PRKCI: variants seen among roughly 807,000 people sequenced by gnomAD.
PRKCI encodes the protein protein kinase C iota type.
In PRKCI, 43 loss-of-function variants were observed where a neutral mutation model predicts 84.0. The ratio of observed to expected loss-of-function variants is 0.51; its 90% CI spans 0.40 to 0.66. PRKCI has a LOEUF of 0.66. PRKCI is among the 30% of genes least tolerant of loss of function. The pLI, the probability that PRKCI is intolerant of heterozygous loss-of-function variation, is 0.00. For missense variants in PRKCI, 459 were observed against 745.6 expected (o/e 0.62, Z 4.48); for synonymous variants, 216 against 234.4 (o/e 0.92, Z 0.72).
rs568895610 is a variant in PRKCI, at chr3:170,232,305, C to T, written c.102-2925C>T. 1.1e-3 allele frequency among the ~76,000 whole-genome samples: 165 copies of T among 152,216 alleles called. 1 individual carries two copies. Among genetic ancestry groups the T allele is most frequent in the Admixed American group, 3.8e-3 (58 of 15,294 alleles). On this transcript the variant is annotated intron_variant, in intron 1 of 17. Coordinates refer to ENST00000295797, the MANE Select transcript of PRKCI (RefSeq NM_002740.6). Reference sequence around the variant, plus strand: ...TACCGAAGCGATCCTCCCACATTGGCCTTTCAAAGTGCTGGGATTATGGCA... The same window carrying T: ...TACCGAAGCGATCCTCCCACATTGGTCTTTCAAAGTGCTGGGATTATGGCA...
At chr3:170,261,825 A>T (rs1733734294) in intron 3 of PRKCI, among the ~76,000 whole-genome samples, 1 of 152,164 alleles carries the variant, frequency 6.6e-6, no homozygotes, top group Non-Finnish European at 1.5e-5. Flanking sequence ...GTGACTCACA[A>T]GGGATCCATA....
chr3:170,292,893 T>A (rs952477342), intron 13 of PRKCI, among the ~76,000 whole-genome samples: 1 of 149,602 alleles, frequency 6.7e-6, no homozygotes, highest in East Asian at 2.0e-4. Context: ...CACAAAAAAT[T>A]AGCCGGGCGT....
intron 8 of PRKCI, among the ~76,000 whole-genome samples, chr3:170,276,357 T>C (rs1027252224): frequency 6.6e-6 from 1 of 152,202 alleles, no homozygotes; most frequent in South Asian, 2.1e-4. Context: ...CTTCCCTCAC[T>C]CCTGTATTAT....
intron 3 of PRKCI, among the ~76,000 whole-genome samples, chr3:170,262,227 A>G (rs1733745658): frequency 6.6e-6 from 1 of 152,194 alleles, no homozygotes; most frequent in Non-Finnish European, 1.5e-5. Flanking sequence ...TGATTTTGGT[A>G]CTGTTTCTGG....
At position 170,281,433 on chromosome 3, in the gene PRKCI, T is replaced by G. The variant is rs1431959843; in HGVS notation, c.980+170T>G. On this transcript the variant is annotated intron_variant, in intron 10 of 17. Transcript: ENST00000295797. The stretch of plus-strand genomic sequence containing the variant: ...TGCCATCAGTGATATCAGTTTGATA[T>G]TAGATCAGCATTAGGAAATGACCTA... 3 of 584,558 alleles carry G rather than the reference T, an allele frequency of 5.1e-6. No homozygotes were observed. The African/African-American group carries it at 5.6e-5, about 11-fold the overall frequency. 36.2% of individuals were successfully genotyped at this position (584,558 alleles called of 1,614,324 possible).
At chr3:170,235,186 TA>T in intron 1 of PRKCI, 43 bp from the exon 2 acceptor site, 1 of 1,584,482 alleles carries the variant, frequency 6.3e-7, no homozygotes. Context: ...ACAGCATTAT[TA>T]TTTTTAATCA....
At chr3:170,301,064 G>A (rs1405796462) in intron 17 of PRKCI, among the ~76,000 whole-genome samples, 2 of 152,130 alleles carry the variant, frequency 1.3e-5, no homozygotes, top group Non-Finnish European at 2.9e-5. Context: ...ATGGCAAATG[G>A]TTATTGAGCA....
intron 17 of PRKCI, among the ~76,000 whole-genome samples, chr3:170,301,513 T>G (rs1577379928): frequency 6.6e-6 from 1 of 151,024 alleles, no homozygotes; most frequent in South Asian, 2.1e-4. Flanking sequence ...AATCAGTTCC[T>G]TTTTTTTTAG....
intron 13 of PRKCI, among the ~76,000 whole-genome samples, chr3:170,292,627 G>A (rs969040824): frequency 6.6e-6 from 1 of 151,418 alleles, no homozygotes; most frequent in Non-Finnish European, 1.5e-5. Context: ...GGAGAATGGC[G>A]TGAACCCGGG....
At chr3:170,238,076 T>C (rs1733025529) in intron 2 of PRKCI, among the ~76,000 whole-genome samples, 1 of 152,272 alleles carries the variant, frequency 6.6e-6, no homozygotes, top group East Asian at 1.9e-4. Flanking sequence ...AAAAAAATTA[T>C]ATGGGGCCGG....
intron 1 of PRKCI, among the ~76,000 whole-genome samples, chr3:170,225,583 T>A (rs1430850467): frequency 6.6e-6 from 1 of 151,582 alleles, no homozygotes; most frequent in African/African-American, 2.4e-5. Context: ...TTTTTTTTTT[T>A]TTTAAATAGA....
chr3:170,273,054 AT>A (rs1734036723), intron 6 of PRKCI, among the ~76,000 whole-genome samples: 1 of 152,240 alleles, frequency 6.6e-6, no homozygotes, highest in Non-Finnish European at 1.5e-5. Context: ...ATGATTTCTA[AT>A]TGGTGGTCTG....
chr3:170,233,026 T>TA (rs1732842423), intron 1 of PRKCI, among the ~76,000 whole-genome samples: 1 of 152,010 alleles, frequency 6.6e-6, no homozygotes, highest in Non-Finnish European at 1.5e-5. Context: ...ATTAATAATT[T>TA]GGGGGGTGAT....
rs867165805 is a variant in PRKCI, at chr3:170,228,640, C to T, written c.101+5870C>T. ...ATACACACACACACACACACACACACATATACATACACACACATATAAAGT... is the reference window on the plus strand; with the variant it reads ...ATACACACACACACACACACACACATATATACATACACACACATATAAAGT... On this transcript the variant is annotated intron_variant, in intron 1 of 17. Coordinates refer to ENST00000295797, the MANE Select transcript of PRKCI (RefSeq NM_002740.6). Among the ~76,000 whole-genome samples the T allele has an allele frequency of 1.0e-3, 152 of 147,788 alleles. 1 individual carries two copies. The highest frequency in any genetic ancestry group is 3.3e-3 in the African/African-American group (132 of 40,176).
In PRKCI at chr3:170,280,418, T is replaced by C; in HGVS notation, c.882+15T>C. ...ATGATGATGAGGTAAGCACTGCATA[T>C]TTTATTGCTTCTAAACTGCTTGAGA... On this transcript the variant is annotated intron_variant, in intron 9 of 17. Transcript: ENST00000295797. 1 of 1,596,160 alleles carries C rather than the reference T, an allele frequency of 6.3e-7. No homozygotes were observed.
At chr3:170,223,477 C>G (rs1330970925) in intron 1 of PRKCI, among the ~76,000 whole-genome samples, 5 of 152,160 alleles carry the variant, frequency 3.3e-5, no homozygotes, top group African/African-American at 1.2e-4. Flanking sequence ...GGAGACTAGC[C>G]TAGTTACAGT....
At chr3:170,261,993 T>C (rs1733738789) in intron 3 of PRKCI, among the ~76,000 whole-genome samples, 1 of 152,234 alleles carries the variant, frequency 6.6e-6, no homozygotes, top group Admixed American at 6.5e-5. Flanking sequence ...ACATCACAGA[T>C]GTTTTCAGAA....
intron 2 of PRKCI, among the ~76,000 whole-genome samples, chr3:170,239,036 A>T (rs1733053108): frequency 6.6e-6 from 1 of 152,238 alleles, no homozygotes; most frequent in African/African-American, 2.4e-5. Flanking sequence ...GTCAAAACAT[A>T]TGTATATCAA....
Position 170,284,461 on chromosome 3 carries a change from A to G in PRKCI, c.1068A>G (p.Arg356=). ...RQRKLPEEHA[R]FYSAEISLAL... ...TGACTTATTTTTTATTTAATTTTAGATTTTACTCTGCAGAAATCAGTCTAG... is the reference window on the plus strand; with the variant it reads ...TGACTTATTTTTTATTTAATTTTAGGTTTTACTCTGCAGAAATCAGTCTAG... The change falls in exon 12 of 18, where the codon AGA becomes AGG. Residue 356 remains arginine, a splice_region_variant and synonymous_variant. Coordinates refer to ENST00000295797, the MANE Select transcript of PRKCI (RefSeq NM_002740.6). 1 of 1,560,926 alleles carries G rather than the reference A, an allele frequency of 6.4e-7. No homozygotes were observed. The highest frequency in any genetic ancestry group is 1.4e-5 in the African/African-American group (1 of 73,150).
Sources: gnomAD v4.1 joint callset for allele counts (sites outside exome capture counted in the v4.1 genomes callset) on GRCh38, gnomAD v4.1.1 for gene constraint, MANE v1.5 for transcripts, NCBI Gene and HGNC (gene_info 2026-07-23, HGNC 2026-07-21) for gene names.